The following ATRX variants were observed in gnomAD, a reference collection of about 807,000 sequenced individuals.
ATRX encodes chromatin remodeler ATRX.
ATRX carries 12 observed loss-of-function variants against 172.6 expected under a neutral mutation model. That is an observed-to-expected ratio of 0.07 (90% CI 0.04 to 0.11). The LOEUF (loss-of-function observed/expected upper bound fraction) is 0.11, where lower values mean the gene tolerates loss of function less well. Ranked by LOEUF, ATRX falls within the 10% of genes least tolerant of loss-of-function variation. The pLI, the probability that ATRX is intolerant of heterozygous loss-of-function variation, is 1.00. For synonymous variants in ATRX, 674 were observed against 594.7 expected, an observed-to-expected ratio of 1.13 and a Z score of -1.94; for missense variants, 1,368 against 1,767.4, an observed-to-expected ratio of 0.77 and a Z score of 4.05.
intron 30 of ATRX, among the ~76,000 whole-genome samples, chrX:77,541,857 T>A (rs2064011610): frequency 9.0e-6 from 1 of 111,576 alleles, no homozygotes. Flanking sequence ...CCACAGCCAA[T>A]ATCATACTGA....
chrX:77,659,600 T>C (rs1383660294), intron 12 of ATRX, among the ~76,000 whole-genome samples: 1 of 109,621 alleles, frequency 9.1e-6, no homozygotes, highest in Non-Finnish European at 1.9e-5. Context: ...AGCATAAGGA[T>C]ACTGCCCTAC....
At chrX:77,785,329 G>A (rs1013765141) in intron 1 of ATRX, among the ~76,000 whole-genome samples, 15 of 110,906 alleles carry the variant, frequency 1.4e-4, no homozygotes, top group Admixed American at 8.7e-4. Context: ...TCCTCTGGAA[G>A]CAAAACCCTG....
chrX:77,506,464 T>C lies in ATRX; in HGVS notation c.*1887A>G, dbSNP rs782164360. 2.5e-4 allele frequency: 44 copies of C among 173,699 alleles called. No individual in the cohort carries two copies. Among genetic ancestry groups the C allele is most frequent in the Admixed American group, 2.1e-3 (27 of 12,597 alleles). The allele number at this position is 173,699 out of a possible 1,213,427, so 14.3% of individuals were successfully genotyped here. On this transcript the variant is annotated 3_prime_UTR_variant, in exon 35 of 35. Transcript: ENST00000373344. ...TCTTTGAGTAAATAATTAGACCATG[T>C]TGAAAATTCCCAGGTCTAGTAAATC...
chrX:77,744,068 C>T (rs1032415623), intron 1 of ATRX, among the ~76,000 whole-genome samples: 3 of 112,616 alleles, frequency 2.7e-5, no homozygotes, highest in African/African-American at 6.4e-5. Flanking sequence ...GTAATCCTAA[C>T]ATTTTGGGAG....
At chrX:77,737,493 T>A (rs1232090487) in intron 1 of ATRX, among the ~76,000 whole-genome samples, 2 of 97,016 alleles carry the variant, frequency 2.1e-5, no homozygotes, top group Non-Finnish European at 4.0e-5. Context: ...AAATAATAGA[T>A]AATACATTAA....
In ATRX at chrX:77,535,136, C is replaced by T. The variant is rs782204751; in HGVS notation, c.6700-11735G>A. 2.7e-5 allele frequency among the ~76,000 whole-genome samples: 3 copies of T among 112,197 alleles called. No individual in the cohort carries two copies. The South Asian group carries it at 1.1e-3, about 41-fold the overall frequency. On this transcript the variant is annotated intron_variant, in intron 30 of 34. Transcript: ENST00000373344. ...AATTTGAAGGTTCTTTCTTCCCAAA[C>T]TACGCTGGAAAAAATGCAGTGAATT...
intron 1 of ATRX, among the ~76,000 whole-genome samples, chrX:77,730,254 T>C (rs1216263007): frequency 8.9e-6 from 1 of 112,214 alleles, no homozygotes; most frequent in Non-Finnish European, 1.9e-5. Flanking sequence ...AGGGTCACTA[T>C]ATAATGATAA....
At chrX:77,589,730 G>A in intron 27 of ATRX, 104 bp downstream of exon 27, 1 of 692,961 alleles carries the variant, frequency 1.4e-6, no homozygotes, top group Non-Finnish European at 2.2e-6. Context: ...ATATGATAGA[G>A]TTGTGAGACT....
chrX:77,715,988 A>C (rs1027089336), intron 2 of ATRX, among the ~76,000 whole-genome samples: 2 of 109,894 alleles, frequency 1.8e-5, no homozygotes, highest in Non-Finnish European at 1.9e-5. Context: ...TAAAAAAGGG[A>C]ACCAGGTACA....
intron 28 of ATRX, among the ~76,000 whole-genome samples, chrX:77,569,404 T>C (rs1654578044): frequency 9.0e-6 from 1 of 110,963 alleles, no homozygotes. Context: ...GTTGGAGACT[T>C]TTCTTGCAGC....
At chrX:77,563,549 T>C (rs1249826467) in intron 28 of ATRX, among the ~76,000 whole-genome samples, 4 of 112,062 alleles carry the variant, frequency 3.6e-5, no homozygotes, top group Non-Finnish European at 5.6e-5. Context: ...TATTTATATA[T>C]CCTGGATGAG....
rs1557062407 is a variant in ATRX, at chrX:77,562,288, GAAAA to G, written c.6327-3446_6327-3443del. On this transcript the variant is annotated intron_variant, in intron 28 of 34. Coordinates refer to ENST00000373344, the MANE Select transcript of ATRX (RefSeq NM_000489.6). ...AACATTTGTGTTTAGGTTTTTATGT[GAAAA>G]TGTTTTCATTTCCATGGGATACATT... Among the ~76,000 whole-genome samples, 22 of 112,268 alleles carry G rather than the reference GAAAA, an allele frequency of 2.0e-4. No homozygotes were observed. In the Admixed American group the frequency reaches 2.1e-3, roughly 11 times the overall value.
At position 77,684,932 on chromosome X, in the gene ATRX, T is replaced by C; in HGVS notation, c.662+7A>G. The C allele has an allele frequency of 4.2e-6, 5 of 1,189,455 alleles. No individual in the cohort carries two copies. The highest frequency in any genetic ancestry group is 5.7e-6 in the Non-Finnish European group (5 of 875,137). On this transcript the variant is annotated splice_region_variant and intron_variant, in intron 8 of 34. Transcript: ENST00000373344. The stretch of plus-strand genomic sequence containing the variant: ...ACACTGAATGTTAGCTCATCTATAT[T>C]ACCTACCTACATTGTTCATCCATTC...
chrX:77,516,307 A>T (rs990542459), intron 34 of ATRX, among the ~76,000 whole-genome samples: 46 of 112,151 alleles, frequency 4.1e-4, no homozygotes, highest in African/African-American at 1.4e-3. Flanking sequence ...ATGGATTTTT[A>T]AAAAAGACCC....
chrX:77,627,126 G>A (rs781905683), intron 19 of ATRX, among the ~76,000 whole-genome samples: 4 of 111,506 alleles, frequency 3.6e-5, no homozygotes, highest in South Asian at 3.8e-4. Context: ...CCAGCTACTC[G>A]GGAGGCTGAG....
chrX:77,651,423 C>T lies in ATRX; in HGVS notation c.4557+691G>A, dbSNP rs782343695. Among the ~76,000 whole-genome samples, 4 of 110,959 alleles carry T rather than the reference C, an allele frequency of 3.6e-5. No homozygotes were observed. In the South Asian group the frequency reaches 1.5e-3, roughly 42 times the overall value. On this transcript the variant is annotated intron_variant, in intron 15 of 34. Transcript: ENST00000373344. Reference sequence around the variant, plus strand: ...GAAGTAATTTTGAAACATTTCTCTACCCAAAATACAACATAACCATTTTGG... The same window carrying T: ...GAAGTAATTTTGAAACATTTCTCTATCCAAAATACAACATAACCATTTTGG...
chrX:77,700,134 A>C (rs1461814432), intron 2 of ATRX, among the ~76,000 whole-genome samples: 1 of 111,531 alleles, frequency 9.0e-6, no homozygotes, highest in East Asian at 2.8e-4. Context: ...AATGCTTAAA[A>C]CTCAACAATA....
intron 30 of ATRX, 120 bp downstream of exon 30, chrX:77,557,330 AT>A (rs1288652539): frequency 3.0e-6 from 2 of 675,496 alleles, no homozygotes; most frequent in African/African-American, 4.4e-5. Context: ...ATTAAATATC[AT>A]TTTATTATCC....
chrX:77,615,868 C>G, intron 22 of ATRX: 1 of 659,740 alleles, frequency 1.5e-6, no homozygotes, highest in South Asian at 7.8e-5. Flanking sequence ...AGAGCACCCT[C>G]TAACCTGTAT....
Sources: gnomAD v4.1 joint callset for allele counts (sites outside exome capture counted in the v4.1 genomes callset) on GRCh38, gnomAD v4.1.1 for gene constraint, MANE v1.5 for transcripts, NCBI Gene and HGNC (gene_info 2026-07-23, HGNC 2026-07-21) for gene names.